Variants in MARCHF1 observed in about 807,000 individuals in gnomAD.
The protein encoded by MARCHF1 is E3 ubiquitin-protein ligase MARCHF1.
A neutral mutation model predicts 54.2 loss-of-function variants in MARCHF1; 40 were observed. The ratio of observed to expected loss-of-function variants is 0.74; its 90% CI spans 0.57 to 0.96. MARCHF1 has a LOEUF of 0.96. MARCHF1 is among the 40% of genes least tolerant of loss of function. The pLI, the probability that MARCHF1 is intolerant of heterozygous loss-of-function variation, is 0.00. For missense variants in MARCHF1, 586 were observed against 656.5 expected, an observed-to-expected ratio of 0.89 and a Z score of 1.17; for synonymous variants, 236 against 236.3, an observed-to-expected ratio of 1.00 and a Z score of 0.01.
intron 3 of MARCHF1, among the ~76,000 whole-genome samples, chr4:163,965,176 A>G (rs1752418427): frequency 6.6e-6 from 1 of 152,000 alleles, no homozygotes; most frequent in Non-Finnish European, 1.5e-5. Flanking sequence ...CACAATTATA[A>G]CACTCCAGGT....
intron 1 of MARCHF1, among the ~76,000 whole-genome samples, chr4:164,147,311 TC>T (rs1445600487): frequency 6.7e-6 from 1 of 148,436 alleles, no homozygotes; most frequent in Non-Finnish European, 1.5e-5. Context: ...GACCCAGCCA[TC>T]CCATTACTGG....
In MARCHF1 at chr4:163,747,211, T is replaced by C. The variant is rs533904395; in HGVS notation, c.112-46348A>G. Among the ~76,000 whole-genome samples, 3 of 152,238 alleles carry C rather than the reference T, an allele frequency of 2.0e-5. No individual in the cohort carries two copies. In the South Asian group the frequency reaches 6.2e-4, roughly 32 times the overall value. On this transcript the variant is annotated intron_variant, in intron 4 of 9. Transcript: ENST00000514618. The stretch of plus-strand genomic sequence containing the variant: ...CATGACACTTAGATGAGGGGAAAAA[T>C]ATTCTCCTTTGAGAATTTGTAACTA...
Position 163,986,246 on chromosome 4 carries a change from C to CTTTTTTTT in MARCHF1, c.-39+2254_-39+2255insAAAAAAAA, listed in dbSNP as rs1752861022. Among the ~76,000 whole-genome samples, 25 of 73,750 alleles carry CTTTTTTTT rather than the reference C, an allele frequency of 3.4e-4. 4 individuals carry two copies. Among genetic ancestry groups the CTTTTTTTT allele is most frequent in the African/African-American group, 8.6e-4 (19 of 22,116 alleles). 48.4% of individuals were successfully genotyped at this position (73,750 alleles called of 152,430 possible). A position where few individuals can be genotyped will look rare whatever the true frequency, so the allele number is the denominator to read the frequency against. Reference sequence around the variant, plus strand: ...CCTTTCCTTTTCTCCTAATTAACCTCTTCTTTTTTTTTTTTTTTTTTTTTT... The same window carrying CTTTTTTTT: ...CCTTTCCTTTTCTCCTAATTAACCTCTTTTTTTTTTCTTTTTTTTTTTTTTTTTTTTTT... On this transcript the variant is annotated intron_variant, in intron 3 of 9. Transcript: ENST00000514618.
chr4:163,996,972 T>C (rs1753089300), intron 2 of MARCHF1, among the ~76,000 whole-genome samples: 1 of 152,038 alleles, frequency 6.6e-6, no homozygotes, highest in African/African-American at 2.4e-5. Flanking sequence ...GTTTAAGCCA[T>C]GCAGTTTTTG....
chr4:163,763,843 T>C (rs747711757), intron 4 of MARCHF1, among the ~76,000 whole-genome samples: 14 of 152,040 alleles, frequency 9.2e-5, no homozygotes, highest in South Asian at 2.1e-4. Flanking sequence ...ATTAAGTAAA[T>C]AGGTAAATTA....
chr4:163,559,953 ATTTCT>A (rs1739413898), intron 8 of MARCHF1, among the ~76,000 whole-genome samples: 1 of 152,240 alleles, frequency 6.6e-6, no homozygotes, highest in Non-Finnish European at 1.5e-5. Flanking sequence ...GAGTTCTCAG[ATTTCT>A]TTATTTATGT....
chr4:164,373,669 T>C (rs997868539), intron 1 of MARCHF1, among the ~76,000 whole-genome samples: 2 of 152,050 alleles, frequency 1.3e-5, no homozygotes, highest in Non-Finnish European at 2.9e-5. Flanking sequence ...AACCACTTTA[T>C]ATAACAAAAA....
intron 3 of MARCHF1, among the ~76,000 whole-genome samples, chr4:163,941,005 G>T (rs550496454): frequency 6.6e-6 from 1 of 152,180 alleles, no homozygotes; most frequent in East Asian, 1.9e-4. Flanking sequence ...GTACAATATT[G>T]TCTTCCTCGG....
chr4:164,172,743 T>C (rs967214496), intron 1 of MARCHF1, among the ~76,000 whole-genome samples: 1 of 152,276 alleles, frequency 6.6e-6, no homozygotes, highest in East Asian at 1.9e-4. Context: ...TTTGGGAGGC[T>C]GAGGCGGGCA....
At chr4:163,623,485 T>C (rs557044026) in intron 5 of MARCHF1, among the ~76,000 whole-genome samples, 12 of 152,306 alleles carry the variant, frequency 7.9e-5, no homozygotes, top group African/African-American at 2.9e-4. Context: ...CTTCTACTTT[T>C]TATTCCTGAT....
At chr4:163,909,827 GAC>G (rs962161268) in intron 3 of MARCHF1, among the ~76,000 whole-genome samples, 2 of 152,088 alleles carry the variant, frequency 1.3e-5, no homozygotes, top group Admixed American at 1.3e-4. Flanking sequence ...ATAATTAAAA[GAC>G]AGATATCTGA....
At chr4:163,866,225 A>G (rs984450683) in intron 3 of MARCHF1, among the ~76,000 whole-genome samples, 1 of 151,356 alleles carries the variant, frequency 6.6e-6, no homozygotes, top group African/African-American at 2.4e-5. Context: ...CCTATTTTTA[A>G]CTATTCCAAA....
intron 1 of MARCHF1, among the ~76,000 whole-genome samples, chr4:164,334,444 A>C (rs1729673944): frequency 6.6e-6 from 1 of 152,186 alleles, no homozygotes; most frequent in Non-Finnish European, 1.5e-5. Context: ...AAATGGAACC[A>C]AAAAAGCCAG....
chr4:164,334,700 A>C (rs1421688594), intron 1 of MARCHF1, among the ~76,000 whole-genome samples: 1 of 152,246 alleles, frequency 6.6e-6, no homozygotes, highest in Non-Finnish European at 1.5e-5. Context: ...TTATTTAAAA[A>C]ATACATTTCT....
intron 5 of MARCHF1, among the ~76,000 whole-genome samples, chr4:163,674,135 C>G (rs1743825048): frequency 2.0e-5 from 3 of 152,112 alleles, no homozygotes; most frequent in Admixed American, 1.3e-4. Context: ...TCAAAATAAC[C>G]ACCAACACCT....
intron 2 of MARCHF1, among the ~76,000 whole-genome samples, chr4:164,106,643 C>G (rs1000463713): frequency 2.7e-5 from 4 of 149,578 alleles, no homozygotes; most frequent in African/African-American, 1.0e-4. Flanking sequence ...GGAGGGATAA[C>G]ATCGGGAGAT....
intron 1 of MARCHF1, among the ~76,000 whole-genome samples, chr4:164,204,852 T>C (rs995171346): frequency 2.6e-5 from 4 of 152,352 alleles, no homozygotes; most frequent in Admixed American, 1.3e-4. Flanking sequence ...TAAACTTAAA[T>C]GGGAGCATTA....
At chr4:164,308,400 T>G (rs1428992278) in intron 1 of MARCHF1, among the ~76,000 whole-genome samples, 1 of 152,166 alleles carries the variant, frequency 6.6e-6, no homozygotes, top group Non-Finnish European at 1.5e-5. Context: ...AATAATCATA[T>G]TGTTGTTGGG....
chr4:163,574,746 T>C (rs1376562860), intron 8 of MARCHF1, among the ~76,000 whole-genome samples: 1 of 152,090 alleles, frequency 6.6e-6, no homozygotes, highest in African/African-American at 2.4e-5. Context: ...AGTCAGGTAG[T>C]GTGATGCCTC....
Sources: gnomAD v4.1 joint callset for allele counts (sites outside exome capture counted in the v4.1 genomes callset) on GRCh38, gnomAD v4.1.1 for gene constraint, MANE v1.5 for transcripts, NCBI Gene and HGNC (gene_info 2026-07-23, HGNC 2026-07-21) for gene names.